The following ADGB variants were observed in gnomAD, a reference collection of about 807,000 sequenced individuals.
ADGB encodes androglobin.
A neutral mutation model predicts 210.5 loss-of-function variants in ADGB; 172 were observed. The observed-to-expected ratio is 0.82, with a 90% CI of 0.72 to 0.93. The LOEUF is 0.93. Ranked by LOEUF, ADGB falls within the 40% of genes least tolerant of loss-of-function variation. The probability of loss-of-function intolerance (pLI) is 0.00; values close to 1 mark genes in which losing one functional copy is unlikely to be tolerated. For synonymous variants in ADGB, 658 were observed against 662.7 expected, an observed-to-expected ratio of 0.99 and a Z score of 0.11; for missense variants, 2,025 against 1,964.8, an observed-to-expected ratio of 1.03 and a Z score of -0.58.
chr6:146,762,064 T>C (rs1777499733), intron 27 of ADGB, among the ~76,000 whole-genome samples: 1 of 152,130 alleles, frequency 6.6e-6, no homozygotes, highest in Non-Finnish European at 1.5e-5. Context: ...TCCAGGTTGA[T>C]GTCTTCTTAG....
chr6:146,810,705 A>G (rs1428719443), intron 35 of ADGB, among the ~76,000 whole-genome samples: 1 of 152,156 alleles, frequency 6.6e-6, no homozygotes. Flanking sequence ...AGAAACTGAA[A>G]GAAAAATAAT....
In ADGB at chr6:146,613,795, A is replaced by G. The variant is rs1484393007; in HGVS notation, c.74+14681A>G. Among the ~76,000 whole-genome samples the G allele has an allele frequency of 2.6e-5, 4 of 152,098 alleles. No homozygotes were observed. In the East Asian group the frequency reaches 5.8e-4, roughly 22 times the overall value. ...TTCAATTGACTTCAGAGTTTCTAAG[A>G]AAATCATTTTGTCTTCTTTGCAAAG... On this transcript the variant is annotated intron_variant, in intron 1 of 35. Transcript: ENST00000397944.
In ADGB at chr6:146,676,305, T is replaced by A; in HGVS notation, c.1088-8T>A. ...TAAAATATTTATTGTGATTTTTTCA[T>A]ATGTTAGAGAAAGCAGATGCAAGAG... On this transcript the variant is annotated splice_region_variant and splice_polypyrimidine_tract_variant and intron_variant, in intron 8 of 35. Transcript: ENST00000397944. 4 of 1,534,672 alleles carry A rather than the reference T, an allele frequency of 2.6e-6. No homozygotes were observed. The highest frequency in any genetic ancestry group is 3.5e-6 in the Non-Finnish European group (4 of 1,140,258).
rs879859936 is a variant in ADGB, at chr6:146,745,685, T to C, written c.3178-237T>C. On this transcript the variant is annotated intron_variant, in intron 25 of 35. Coordinates refer to ENST00000397944, the MANE Select transcript of ADGB (RefSeq NM_024694.4). The stretch of plus-strand genomic sequence containing the variant: ...TATTGTAGTTAAGCACTTTATTTTA[T>C]AGTTAAGGAACCACACAAAGGAAAA... Among the ~76,000 whole-genome samples, 10 of 152,296 alleles carry C rather than the reference T, an allele frequency of 6.6e-5. No homozygotes were observed. The East Asian group carries it at 1.3e-3, about 21-fold the overall frequency.
chr6:146,804,897 C>G (rs2114669337), intron 35 of ADGB, among the ~76,000 whole-genome samples: 1 of 152,320 alleles, frequency 6.6e-6, no homozygotes, highest in Non-Finnish European at 1.5e-5. Flanking sequence ...ATCTACTCAA[C>G]ATTACCATTT....
At chr6:146,674,757 G>T (rs1776063886) in intron 8 of ADGB, among the ~76,000 whole-genome samples, 2 of 152,170 alleles carry the variant, frequency 1.3e-5, no homozygotes, top group African/African-American at 4.8e-5. Flanking sequence ...GTGGGGTTTT[G>T]CCAGATGGGT....
intron 27 of ADGB, 46 bp from the exon 28 acceptor site, chr6:146,763,855 T>A: frequency 1.4e-6 from 2 of 1,466,692 alleles, no homozygotes; most frequent in South Asian, 2.6e-5. Flanking sequence ...GTAATAACTA[T>A]GTATATCACA....
At chr6:146,741,705 T>A (rs1777166267) in intron 25 of ADGB, among the ~76,000 whole-genome samples, 2 of 152,138 alleles carry the variant, frequency 1.3e-5, no homozygotes, top group Non-Finnish European at 2.9e-5. Context: ...CATCACCACC[T>A]CATTTTGAGA....
At chr6:146,716,462 G>A (rs1261055418) in intron 14 of ADGB, among the ~76,000 whole-genome samples, 2 of 141,948 alleles carry the variant, frequency 1.4e-5, no homozygotes, top group East Asian at 2.0e-4. Context: ...GCGCGGTGGC[G>A]GGCGCCTGTA....
rs966456330 is a variant in ADGB at position 146,722,069 on chromosome 6, G to C, written c.2095+564G>C. Among the ~76,000 whole-genome samples the C allele has an allele frequency of 2.6e-5, 4 of 152,004 alleles. No individual in the cohort carries two copies. In the South Asian group the frequency reaches 8.3e-4, roughly 32 times the overall value. On this transcript the variant is annotated intron_variant, in intron 17 of 35. Transcript: ENST00000397944. ...CACTCAATCTGTTAGTGTTGTAGTTGTTGACCTATAAATGTCATCATTCTT... is the reference window on the plus strand; with the variant it reads ...CACTCAATCTGTTAGTGTTGTAGTTCTTGACCTATAAATGTCATCATTCTT...
intron 19 of ADGB, among the ~76,000 whole-genome samples, chr6:146,727,455 A>G (rs1024773823): frequency 6.6e-6 from 1 of 152,080 alleles, no homozygotes; most frequent in Non-Finnish European, 1.5e-5. Context: ...TTCCCTAACT[A>G]TGTTTATCTT....
At chr6:146,705,824 AT>A (rs566882833) in intron 13 of ADGB, among the ~76,000 whole-genome samples, 54 of 152,150 alleles carry the variant, frequency 3.5e-4, no homozygotes, top group African/African-American at 1.3e-3. Context: ...TCTTTGTCAG[AT>A]TTTTTTGGAA....
At position 146,676,386 on chromosome 6, in the gene ADGB, TC is replaced by T. The variant is rs1227728699; in HGVS notation, c.1162del (p.His388MetfsTer47). On this transcript the variant is annotated frameshift_variant, in exon 9 of 36. Coordinates refer to ENST00000397944, the MANE Select transcript of ADGB (RefSeq NM_024694.4). LOFTEE classifies it high-confidence loss of function. ...AAAAAGAAAAATTCAAATTCTCACT[TC>T]ATGGTTCAAGACCCTCATCAGAAGT... ...GEKEKFKFSL[H>X]GSRPSSEVQY... 5.8e-6 allele frequency: 9 copies of T among 1,548,966 alleles called. No individual in the cohort carries two copies. The African/African-American group carries it at 1.2e-4, about 21-fold the overall frequency.
intron 27 of ADGB, among the ~76,000 whole-genome samples, chr6:146,763,665 T>C (rs895780273): frequency 1.3e-5 from 2 of 152,210 alleles, no homozygotes; most frequent in African/African-American, 2.4e-5. Flanking sequence ...TGAACTGTTG[T>C]ATATACTTTT....
chr6:146,786,483 C>G (rs1260586920), intron 32 of ADGB, among the ~76,000 whole-genome samples: 2 of 152,092 alleles, frequency 1.3e-5, no homozygotes, highest in African/African-American at 4.8e-5. Context: ...TATCTCTTAA[C>G]TTTTCATATG....
chr6:146,659,768 A>G (rs1352234891), intron 5 of ADGB, among the ~76,000 whole-genome samples: 1 of 152,134 alleles, frequency 6.6e-6, no homozygotes, highest in Non-Finnish European at 1.5e-5. Context: ...TAATGCTGGG[A>G]CACATATCAT....
chr6:146,784,509 A>G lies in ADGB; in HGVS notation c.4036-109A>G, dbSNP rs193285777. The G allele has an allele frequency of 4.5e-4, 403 of 891,184 alleles. No homozygotes were observed. In the African/African-American group the frequency reaches 6.5e-3, roughly 14 times the overall value. 55.2% of individuals were successfully genotyped at this position (891,184 alleles called of 1,614,324 possible). ...AAGTCTTTTGTGAATATATGTTTTC[A>G]TTTATCTCTAGTAAATACCTAATAG... On this transcript the variant is annotated intron_variant, in intron 30 of 35. Transcript: ENST00000397944.
intron 1 of ADGB, among the ~76,000 whole-genome samples, chr6:146,626,300 A>C (rs768499412): frequency 2.0e-5 from 3 of 152,076 alleles, no homozygotes; most frequent in Non-Finnish European, 4.4e-5. Context: ...ATTATATTAC[A>C]AAGATACTTT....
At chr6:146,743,127 T>G (rs2114600868) in intron 25 of ADGB, among the ~76,000 whole-genome samples, 1 of 152,332 alleles carries the variant, frequency 6.6e-6, no homozygotes, top group Middle Eastern at 3.4e-3. Flanking sequence ...TGAGTTAGAC[T>G]TCCTTTTGAA....
Sources: allele counts gnomAD v4.1 joint callset (sites outside exome capture counted in the v4.1 genomes callset), GRCh38; gene constraint gnomAD v4.1.1; transcripts MANE v1.5; gene names NCBI Gene and HGNC (gene_info 2026-07-23, HGNC 2026-07-21).